MGAT4C: variants seen among roughly 807,000 people sequenced by gnomAD.
MGAT4C encodes the protein alpha-1,3-mannosyl-glycoprotein 4-beta-N-acetylglucosaminyltransferase C.
In MGAT4C, 19 loss-of-function variants were observed where a neutral mutation model predicts 40.1. That is an observed-to-expected ratio of 0.47 (90% CI 0.33 to 0.70). The LOEUF (loss-of-function observed/expected upper bound fraction) is 0.70. Among genes scored for constraint, MGAT4C ranks in the 30% least tolerant of loss-of-function variants. MGAT4C has a pLI of 0.02. For synonymous variants in MGAT4C, 181 were observed against 187.1 expected (o/e 0.97, Z 0.27); for missense variants, 491 against 563.2 (o/e 0.87, Z 1.30).
chr12:86,428,007 G>A (rs899251099), intron 3 of MGAT4C, among the ~76,000 whole-genome samples: 1 of 151,838 alleles, frequency 6.6e-6, no homozygotes, highest in Admixed American at 6.6e-5. Flanking sequence ...GAGACAGAGC[G>A]AGAGTCCATT....
chr12:86,188,854 T>C, intron 1 of MGAT4C, among the ~76,000 whole-genome samples: 1 of 151,936 alleles, frequency 6.6e-6, no homozygotes, highest in Admixed American at 6.6e-5. Context: ...GAATAACCTA[T>C]GATAAGTTAT....
At chr12:86,002,938 C>G (rs1343029788) in intron 2 of MGAT4C, among the ~76,000 whole-genome samples, 1 of 151,952 alleles carries the variant, frequency 6.6e-6, no homozygotes, top group East Asian at 1.9e-4. Context: ...GTAGCTGGGA[C>G]TACAGGCGTC....
intron 1 of MGAT4C, among the ~76,000 whole-genome samples, chr12:86,832,092 T>TA (rs146783895): frequency 0.014 from 2,056 of 151,870 alleles, 21 homozygotes; most frequent in South Asian, 0.025. Flanking sequence ...CAAAAAATAC[T>TA]GTAGGCACAT....
chr12:86,027,450 G>A (rs1380139493), intron 2 of MGAT4C, among the ~76,000 whole-genome samples: 1 of 151,632 alleles, frequency 6.6e-6, no homozygotes, highest in Non-Finnish European at 1.5e-5. Context: ...TAGATCAAAT[G>A]TTATAGTATG....
intron 2 of MGAT4C, among the ~76,000 whole-genome samples, chr12:86,520,778 G>A (rs780890707): frequency 1.3e-5 from 2 of 152,036 alleles, no homozygotes; most frequent in African/African-American, 2.4e-5. Flanking sequence ...ATTCTGACTG[G>A]TGTGAGATGG....
chr12:86,320,983 G>A (rs1954371607), intron 4 of MGAT4C, among the ~76,000 whole-genome samples: 1 of 151,462 alleles, frequency 6.6e-6, no homozygotes, highest in South Asian at 2.1e-4. Flanking sequence ...AATTAAGATA[G>A]GAAAAAATCA....
chr12:86,094,148 A>C (rs914599256), intron 1 of MGAT4C, among the ~76,000 whole-genome samples: 1 of 152,114 alleles, frequency 6.6e-6, no homozygotes, highest in Non-Finnish European at 1.5e-5. Context: ...ATATTGTGTG[A>C]ATCATGGAAG....
intron 2 of MGAT4C, among the ~76,000 whole-genome samples, chr12:86,709,175 C>T (rs1050238822): frequency 2.6e-5 from 4 of 152,128 alleles, no homozygotes; most frequent in African/African-American, 9.7e-5. Context: ...GAATAAGTCT[C>T]ACGAGATCTG....
intron 4 of MGAT4C, among the ~76,000 whole-genome samples, chr12:86,285,644 A>C (rs1160196225): frequency 6.6e-6 from 1 of 150,898 alleles, no homozygotes; most frequent in Non-Finnish European, 1.5e-5. Context: ...TGAAAAACAT[A>C]ATTTTAGACT....
chr12:86,603,780 TATATA>T (rs1204607497), intron 2 of MGAT4C, among the ~76,000 whole-genome samples: 1 of 33,194 alleles, frequency 3.0e-5, no homozygotes, highest in Non-Finnish European at 8.0e-5. Context: ...TTATATATAC[TATATA>T]ATATATAGTA....
At chr12:86,595,237 G>A (rs990772718) in intron 2 of MGAT4C, among the ~76,000 whole-genome samples, 12 of 152,054 alleles carry the variant, frequency 7.9e-5, no homozygotes, top group African/African-American at 2.2e-4. Flanking sequence ...CTAAATAACC[G>A]TTCTTTTAAA....
intron 2 of MGAT4C, among the ~76,000 whole-genome samples, chr12:86,042,537 A>G (rs1891960642): frequency 6.6e-6 from 1 of 152,130 alleles, no homozygotes; most frequent in Non-Finnish European, 1.5e-5. Context: ...TGCTTGTCTG[A>G]AAAGAATCTT....
At chr12:86,376,818 C>CAGAGAGAGAGAGAG (rs34852259) in intron 3 of MGAT4C, among the ~76,000 whole-genome samples, 7 of 125,302 alleles carry the variant, frequency 5.6e-5, no homozygotes, top group Admixed American at 8.2e-5. Flanking sequence ...GAGAGAGAGA[C>CAGAGAGAGAGAGAG]AGAGAGAGAG....
intron 1 of MGAT4C, among the ~76,000 whole-genome samples, chr12:86,114,546 C>A (rs967444109): frequency 1.3e-5 from 2 of 151,462 alleles, no homozygotes; most frequent in South Asian, 2.1e-4. Flanking sequence ...CAATAAAAAT[C>A]ATCATTAATT....
intron 2 of MGAT4C, among the ~76,000 whole-genome samples, chr12:86,592,550 A>C (rs1489003214): frequency 6.6e-6 from 1 of 152,186 alleles, no homozygotes; most frequent in Non-Finnish European, 1.5e-5. Context: ...GTTTCTAATC[A>C]GATTTGTCAA....
intron 2 of MGAT4C, among the ~76,000 whole-genome samples, chr12:86,622,183 C>G (rs1038622646): frequency 2.6e-5 from 4 of 152,100 alleles, no homozygotes; most frequent in African/African-American, 7.2e-5. Flanking sequence ...GGGGAAGTAT[C>G]TGTATATACA....
At chr12:86,566,493 T>C (rs2136415512) in intron 2 of MGAT4C, among the ~76,000 whole-genome samples, 1 of 136,466 alleles carries the variant, frequency 7.3e-6, no homozygotes, top group Admixed American at 7.8e-5. Context: ...TTGTGGGACT[T>C]TGTGATCATG....
At chr12:86,441,410 C>G (rs944976973) in intron 2 of MGAT4C, among the ~76,000 whole-genome samples, 14 of 151,544 alleles carry the variant, frequency 9.2e-5, no homozygotes, top group Admixed American at 7.2e-4. Context: ...AGGTTTGTTA[C>G]ATATGTATAC....
chr12:86,012,883 G>A (rs1179764260), intron 2 of MGAT4C, among the ~76,000 whole-genome samples: 1 of 151,838 alleles, frequency 6.6e-6, no homozygotes, highest in Non-Finnish European at 1.5e-5. Flanking sequence ...CAGCACTTTG[G>A]GAGGCTGAGT....
Sources: gnomAD v4.1 joint callset for allele counts (sites outside exome capture counted in the v4.1 genomes callset) on GRCh38, gnomAD v4.1.1 for gene constraint, MANE v1.5 for transcripts, NCBI Gene and HGNC (gene_info 2026-07-23, HGNC 2026-07-21) for gene names.